USP37: variants seen among roughly 807,000 people sequenced by gnomAD.
The protein encoded by USP37 is ubiquitin specific peptidase 37.
A neutral mutation model predicts 124.0 loss-of-function variants in USP37; 27 were observed. The observed-to-expected ratio is 0.22, with a 90% confidence interval of 0.16 to 0.30. The LOEUF is 0.30. Among genes scored for constraint, USP37 ranks in the 10% least tolerant of loss-of-function variants. USP37 has a pLI of 1.00. For missense variants in USP37, 889 were observed against 1,140.4 expected, an observed-to-expected ratio of 0.78 and a Z score of 3.17; for synonymous variants, 365 against 388.0, an observed-to-expected ratio of 0.94 and a Z score of 0.70.
intron 14 of USP37, among the ~76,000 whole-genome samples, chr2:218,493,659 T>C (rs1193156796): frequency 3.3e-5 from 5 of 152,080 alleles, no homozygotes; most frequent in African/African-American, 1.2e-4. Flanking sequence ...TTAATGAAGA[T>C]GGGGTTTCAC....
intron 11 of USP37, among the ~76,000 whole-genome samples, chr2:218,504,623 G>C (rs1689584911): frequency 6.6e-6 from 1 of 152,162 alleles, no homozygotes; most frequent in Non-Finnish European, 1.5e-5. Flanking sequence ...TTTGTAGACA[G>C]AGGGTCTTGC....
At chr2:218,544,065 G>C (rs1239815879) in intron 8 of USP37, among the ~76,000 whole-genome samples, 1 of 151,958 alleles carries the variant, frequency 6.6e-6, no homozygotes, top group African/African-American at 2.4e-5. Flanking sequence ...CTGCAAATTA[G>C]ATTATTTCAA....
At chr2:218,470,130 A>G (rs140807011) in intron 20 of USP37, among the ~76,000 whole-genome samples, 1 of 152,168 alleles carries the variant, frequency 6.6e-6, no homozygotes, top group African/African-American at 2.4e-5. Flanking sequence ...TTAACTCAAC[A>G]TTCTTCCACT....
rs543308832 is a variant in USP37, at chr2:218,497,628, A to G, written c.1281+106T>C. 1,353 of 1,405,088 alleles carry G rather than the reference A, an allele frequency of 9.6e-4. 2 individuals carry two copies. The highest frequency in any genetic ancestry group is 1.2e-3 in the Non-Finnish European group (1,222 of 1,037,246). 87.0% of individuals were successfully genotyped at this position (1,405,088 alleles called of 1,614,324 possible). ...AGGCTGGTCTCAAACTCCTGACCTC[A>G]GTGACCTCAGGTGACCTGCCCACCT... On this transcript the variant is annotated intron_variant, in intron 13 of 25. Coordinates refer to ENST00000258399, the MANE Select transcript of USP37 (RefSeq NM_020935.3).
At chr2:218,557,519 G>A (rs1292431366) in intron 4 of USP37, among the ~76,000 whole-genome samples, 6 of 151,690 alleles carry the variant, frequency 4.0e-5, no homozygotes, top group Non-Finnish European at 7.4e-5. Context: ...CAATTCAAAA[G>A]CAGAGACAAA....
intron 10 of USP37, among the ~76,000 whole-genome samples, chr2:218,518,379 C>T (rs1324230709): frequency 1.3e-5 from 2 of 151,938 alleles, no homozygotes; most frequent in Non-Finnish European, 2.9e-5. Context: ...TATGTGGAGC[C>T]CTGTGGTCCA....
At chr2:218,463,175 AACACACACACAC>A (rs3835979) in intron 22 of USP37, 119 bp downstream of exon 22, 20,956 of 527,356 alleles carry the variant, frequency 0.04, 246 homozygotes, top group East Asian at 0.069. Flanking sequence ...CCCCACAATA[AACACACACACAC>A]ACACACACAC....
At chr2:218,455,554 A>G in intron 25 of USP37, 26 bp downstream of exon 25, 1 of 1,568,924 alleles carries the variant, frequency 6.4e-7, no homozygotes, top group East Asian at 2.3e-5. Flanking sequence ...CTAACTCATT[A>G]TTTAGAATCT....
In USP37 at chr2:218,549,711, C is replaced by T. The variant is rs1388938911; in HGVS notation, c.429+98G>A. The T allele has an allele frequency of 2.2e-5, 24 of 1,099,778 alleles. No homozygotes were observed. In the Admixed American group the frequency reaches 4.8e-4, roughly 22 times the overall value. The allele number at this position is 1,099,778 out of a possible 1,614,324, so 68.1% of individuals were successfully genotyped here. ...GACTCCTGACCTCGGGTGATCCACC[C>T]GCCTCGGCCTCCCAAGTGCTGGGAT... On this transcript the variant is annotated intron_variant, in intron 6 of 25. Coordinates refer to ENST00000258399, the MANE Select transcript of USP37 (RefSeq NM_020935.3).
chr2:218,461,025 G>A (rs575215120), intron 22 of USP37, among the ~76,000 whole-genome samples: 4 of 152,154 alleles, frequency 2.6e-5, no homozygotes, highest in South Asian at 2.1e-4. Flanking sequence ...TAAATTTCAC[G>A]TAAGATATAC....
chr2:218,555,826 G>C (rs777802248), intron 4 of USP37, among the ~76,000 whole-genome samples: 2 of 151,932 alleles, frequency 1.3e-5, no homozygotes, highest in South Asian at 4.1e-4. Flanking sequence ...CCTCTGCTCC[G>C]TATCATGGAA....
chr2:218,513,815 A>C (rs1160699089), intron 10 of USP37, among the ~76,000 whole-genome samples: 1 of 152,006 alleles, frequency 6.6e-6, no homozygotes, highest in East Asian at 1.9e-4. Context: ...CTTTTGAAAT[A>C]GTTTTATTTT....
At chr2:218,516,883 T>C (rs1306743938) in intron 10 of USP37, among the ~76,000 whole-genome samples, 1 of 152,194 alleles carries the variant, frequency 6.6e-6, no homozygotes, top group Non-Finnish European at 1.5e-5. Context: ...AATTTACATA[T>C]ATAAAACCTT....
At chr2:218,546,198 T>C (rs781199563) in intron 8 of USP37, 23 bp downstream of exon 8, 15 of 1,587,918 alleles carry the variant, frequency 9.4e-6, no homozygotes, top group East Asian at 4.5e-5. Flanking sequence ...TCTAACACTA[T>C]AAAGGCCCTT....
chr2:218,510,575 T>G (rs1398769431), intron 10 of USP37, among the ~76,000 whole-genome samples: 1 of 152,238 alleles, frequency 6.6e-6, no homozygotes, highest in Non-Finnish European at 1.5e-5. Flanking sequence ...GGAGGTATTT[T>G]CAATCTTCAT....
At chr2:218,457,972 G>A (rs1689780803) in intron 23 of USP37, among the ~76,000 whole-genome samples, 1 of 150,418 alleles carries the variant, frequency 6.6e-6, no homozygotes, top group Admixed American at 6.7e-5. Context: ...TCCAGGAGGT[G>A]GAGCTTGCAG....
At chr2:218,505,239 G>A (rs943377528) in intron 11 of USP37, among the ~76,000 whole-genome samples, 2 of 151,998 alleles carry the variant, frequency 1.3e-5, no homozygotes, top group South Asian at 2.1e-4. Flanking sequence ...GGCTGGTCTC[G>A]AACTCCTGAG....
Position 218,494,696 on chromosome 2 carries a change from A to T in USP37, c.1472+1064T>A, listed in dbSNP as rs566813867. 2.0e-5 allele frequency among the ~76,000 whole-genome samples: 3 copies of T among 152,340 alleles called. No individual in the cohort carries two copies. The South Asian group carries it at 6.2e-4, about 32-fold the overall frequency. The stretch of plus-strand genomic sequence containing the variant: ...TTATATAGAGACTGTGAAGAATTAC[A>T]TTTTATCTGAAAAAAATCTATTCAG... On this transcript the variant is annotated intron_variant, in intron 14 of 25. Transcript: ENST00000258399.
chr2:218,454,945 G>T lies in USP37; in HGVS notation c.2925C>A (p.Thr975=), dbSNP rs1689611035. 6 of 1,613,930 alleles carry T rather than the reference G, an allele frequency of 3.7e-6. No individual in the cohort carries two copies. The East Asian group carries it at 1.3e-4, about 36-fold the overall frequency. ...QSLSTEVGKT[T]RQAL ...AGTTTGTTCCTCACAAGGCCTGACG[G>T]GTAGTCTTCCCCACTTCCGTGCTAA... Residue 975 remains threonine, a synonymous_variant, in exon 26 of 26, where the codon ACC becomes ACA. Coordinates refer to ENST00000258399, the MANE Select transcript of USP37 (RefSeq NM_020935.3).
Sources: allele counts gnomAD v4.1 joint callset (sites outside exome capture counted in the v4.1 genomes callset), GRCh38; gene constraint gnomAD v4.1.1; transcripts MANE v1.5; gene names NCBI Gene and HGNC (gene_info 2026-07-23, HGNC 2026-07-21).